Variants in OR9Q1 observed in about 807,000 individuals in gnomAD.
OR9Q1 encodes the protein olfactory receptor family 9 subfamily Q member 1.
For missense variants in OR9Q1, 374 were observed against 378.8 expected, an observed-to-expected ratio of 0.99 and a Z score of 0.11; for synonymous variants, 153 against 148.6, an observed-to-expected ratio of 1.03 and a Z score of -0.22.
chr11:58,172,121 G>A (rs978238222), intron 2 of OR9Q1, among the ~76,000 whole-genome samples: 1 of 152,154 alleles, frequency 6.6e-6, no homozygotes, highest in African/African-American at 2.4e-5. Context: ...TGTCTCTGAG[G>A]ATATTTCCTG....
chr11:58,175,788 ATTATTC>A (rs1854601338), intron 2 of OR9Q1, among the ~76,000 whole-genome samples: 1 of 151,770 alleles, frequency 6.6e-6, no homozygotes, highest in South Asian at 2.1e-4. Context: ...AAAGAGGGCA[ATTATTC>A]TGTTTTTCCT....
intron 2 of OR9Q1, among the ~76,000 whole-genome samples, chr11:58,148,925 T>C (rs1854324686): frequency 6.6e-6 from 1 of 152,196 alleles, no homozygotes. Flanking sequence ...CTTTTGGTCC[T>C]GTTGGGAAAG....
At chr11:58,106,757 C>T (rs981501051) in intron 2 of OR9Q1, among the ~76,000 whole-genome samples, 1 of 152,122 alleles carries the variant, frequency 6.6e-6, no homozygotes, top group Non-Finnish European at 1.5e-5. Flanking sequence ...ACTGTCTTTT[C>T]CCTCATTGTG....
chr11:58,078,024 G>T (rs1456821799), intron 2 of OR9Q1, among the ~76,000 whole-genome samples: 6 of 152,152 alleles, frequency 3.9e-5, no homozygotes, highest in African/African-American at 1.4e-4. Context: ...AGGCATGGTG[G>T]TGCATGCCTG....
intron 2 of OR9Q1, chr11:58,109,621 A>G (rs1411114133): frequency 2.2e-6 from 1 of 457,134 alleles, no homozygotes; most frequent in Admixed American, 2.3e-5. Context: ...GAAGACTACA[A>G]GAATGAACTC....
At chr11:58,032,856 T>C (rs1326294185) in intron 1 of OR9Q1, among the ~76,000 whole-genome samples, 1 of 152,114 alleles carries the variant, frequency 6.6e-6, no homozygotes, top group Non-Finnish European at 1.5e-5. Flanking sequence ...TCGCAAACTA[T>C]GCATCTGACA....
chr11:58,177,501 T>G (rs1351995336), intron 2 of OR9Q1, among the ~76,000 whole-genome samples: 1 of 152,210 alleles, frequency 6.6e-6, no homozygotes, highest in Non-Finnish European at 1.5e-5. Context: ...TAATTTAGAA[T>G]AGTGTTTATC....
At chr11:58,024,329 C>T (rs1221786275) in intron 1 of OR9Q1, among the ~76,000 whole-genome samples, 2 of 151,706 alleles carry the variant, frequency 1.3e-5, no homozygotes, top group Non-Finnish European at 2.9e-5. Context: ...ACCCACTGCG[C>T]CTGCTCACCT....
chr11:58,080,553 T>G (rs1044397593), intron 2 of OR9Q1, among the ~76,000 whole-genome samples: 2 of 152,174 alleles, frequency 1.3e-5, no homozygotes, highest in Non-Finnish European at 2.9e-5. Flanking sequence ...TTTAGTTCCT[T>G]AAGAAATCTC....
intron 1 of OR9Q1, among the ~76,000 whole-genome samples, chr11:58,035,111 G>A (rs1322289455): frequency 6.6e-6 from 1 of 152,086 alleles, no homozygotes; most frequent in Non-Finnish European, 1.5e-5. Flanking sequence ...CTACAGGAAT[G>A]AATTAAGATT....
Position 58,046,738 on chromosome 11 carries a change from A to C in OR9Q1, c.-92-9132A>C, listed in dbSNP as rs547449079. On this transcript the variant is annotated intron_variant, in intron 1 of 2. Coordinates refer to ENST00000335397, the MANE Select transcript of OR9Q1 (RefSeq NM_001005212.4). The stretch of plus-strand genomic sequence containing the variant: ...GTTAGCTGGGCGTGGTAGTGGGTGC[A>C]TGTAATCCCAGCTACTCTGGAGGCT... Among the ~76,000 whole-genome samples, 16 of 152,142 alleles carry C rather than the reference A, an allele frequency of 1.1e-4. No homozygotes were observed. The South Asian group carries it at 3.3e-3, about 32-fold the overall frequency.
chr11:58,168,674 G>T (rs771694256), intron 2 of OR9Q1, among the ~76,000 whole-genome samples: 1 of 151,382 alleles, frequency 6.6e-6, no homozygotes, highest in South Asian at 2.1e-4. Context: ...CCACCTCCTG[G>T]TTTATCAAAT....
intron 2 of OR9Q1, among the ~76,000 whole-genome samples, chr11:58,162,347 TCA>T (rs1854465004): frequency 1.3e-5 from 2 of 152,242 alleles, no homozygotes; most frequent in Admixed American, 1.3e-4. Context: ...TAATGGGTTT[TCA>T]CAGTGTTGAA....
At chr11:58,026,682 C>CAAAAAA (rs61606334) in intron 1 of OR9Q1, 2 of 77,454 alleles carry the variant, frequency 2.6e-5, no homozygotes, top group African/African-American at 5.4e-5. Context: ...ACTCTGTAAC[C>CAAAAAA]AAAAAAAAAA....
intron 1 of OR9Q1, chr11:58,030,822 C>T (rs1303811279): frequency 1.5e-6 from 1 of 663,488 alleles, no homozygotes; most frequent in Non-Finnish European, 2.7e-6. Context: ...AGGGTAAGAA[C>T]AGTGTGTTGA....
chr11:58,168,451 C>T (rs972348408), intron 2 of OR9Q1, among the ~76,000 whole-genome samples: 83 of 152,236 alleles, frequency 5.5e-4, no homozygotes, highest in African/African-American at 2.0e-3. Flanking sequence ...GAGATTTACC[C>T]ATATTGATAT....
chr11:58,135,233 C>T (rs1182915508), intron 2 of OR9Q1, among the ~76,000 whole-genome samples: 1 of 152,112 alleles, frequency 6.6e-6, no homozygotes, highest in Non-Finnish European at 1.5e-5. Flanking sequence ...AAATATTTCT[C>T]TTATGTCTTT....
At chr11:58,037,692 T>G (rs1565056520) in intron 1 of OR9Q1, among the ~76,000 whole-genome samples, 256 of 5,822 alleles carry the variant, frequency 0.044, 1 homozygote, top group South Asian at 0.25. Context: ...TATATATATT[T>G]TTTTTTTTTT....
At chr11:58,120,806 A>G (rs1321376243) in intron 2 of OR9Q1, among the ~76,000 whole-genome samples, 1 of 72,648 alleles carries the variant, frequency 1.4e-5, no homozygotes, top group Non-Finnish European at 3.2e-5. Flanking sequence ...TCAATACCAT[A>G]TATATATATA....
Sources: allele counts gnomAD v4.1 joint callset (sites outside exome capture counted in the v4.1 genomes callset), GRCh38; gene constraint gnomAD v4.1.1; transcripts MANE v1.5; gene names NCBI Gene and HGNC (gene_info 2026-07-23, HGNC 2026-07-21).